Variants in NRG3 observed in about 807,000 individuals in gnomAD.
NRG3 encodes the protein neuregulin 3.
Under a neutral mutation model 66.9 loss-of-function variants are expected in NRG3, and 31 were observed. That is an observed-to-expected ratio of 0.46 (90% CI 0.35 to 0.63). The LOEUF is 0.63. Among genes scored for constraint, NRG3 ranks in the 20% least tolerant of loss-of-function variants. NRG3 has a pLI of 0.00. For missense variants in NRG3, 910 were observed against 878.9 expected, an observed-to-expected ratio of 1.04 and a Z score of -0.45; for synonymous variants, 393 against 359.4, an observed-to-expected ratio of 1.09 and a Z score of -1.06.
Position 82,218,062 on chromosome 10 carries a change from AT to A in NRG3, c.824-140671del, listed in dbSNP as rs553339163. Among the ~76,000 whole-genome samples, 3 of 152,288 alleles carry A rather than the reference AT, an allele frequency of 2.0e-5. No individual in the cohort carries two copies. The East Asian group carries it at 5.8e-4, about 29-fold the overall frequency. ...AATCTCAAATACCCAAAGAAAATAC[AT>A]TTTTTGAAATATTGATGAACTAAAA... On this transcript the variant is annotated intron_variant, in intron 1 of 8. Coordinates refer to ENST00000372141, the MANE Select transcript of NRG3 (RefSeq NM_001010848.4).
At chr10:82,436,416 G>T (rs902678709) in intron 2 of NRG3, among the ~76,000 whole-genome samples, 2 of 152,070 alleles carry the variant, frequency 1.3e-5, no homozygotes, top group East Asian at 3.9e-4. Flanking sequence ...TTTATTTTGA[G>T]CCTGTGTGTG....
chr10:82,303,318 T>C (rs1437385367), intron 1 of NRG3, among the ~76,000 whole-genome samples: 1 of 148,892 alleles, frequency 6.7e-6, no homozygotes, highest in Non-Finnish European at 1.5e-5. Flanking sequence ...TTCATTTACA[T>C]ACTACTGTGC....
chr10:82,982,456 G>C (rs917203084), intron 8 of NRG3, among the ~76,000 whole-genome samples: 9 of 152,118 alleles, frequency 5.9e-5, no homozygotes, highest in African/African-American at 1.9e-4. Context: ...TGGCCCTCAA[G>C]AGATACAGAA....
intron 1 of NRG3, among the ~76,000 whole-genome samples, chr10:82,347,137 T>C (rs2083082340): frequency 6.7e-6 from 1 of 149,066 alleles, no homozygotes; most frequent in Admixed American, 6.7e-5. Context: ...CTTGCTTTTC[T>C]AGTTCTTTTA....
intron 1 of NRG3, among the ~76,000 whole-genome samples, chr10:81,984,060 AC>A: frequency 6.6e-6 from 1 of 152,130 alleles, no homozygotes; most frequent in Admixed American, 6.6e-5. Flanking sequence ...AAGGTGGAGG[AC>A]CCCAAGCTAA....
At chr10:82,302,988 C>A (rs2080493160) in intron 1 of NRG3, among the ~76,000 whole-genome samples, 1 of 152,132 alleles carries the variant, frequency 6.6e-6, no homozygotes, top group Non-Finnish European at 1.5e-5. Context: ...GTATCAACCA[C>A]AATTTTATCT....
chr10:82,853,468 T>C (rs2063661462), intron 3 of NRG3, among the ~76,000 whole-genome samples: 1 of 152,224 alleles, frequency 6.6e-6, no homozygotes, highest in South Asian at 2.1e-4. Flanking sequence ...ATGATTTCTT[T>C]CAGCAGTGTT....
intron 4 of NRG3, among the ~76,000 whole-genome samples, chr10:82,925,220 T>G (rs142612482): frequency 6.6e-6 from 1 of 152,170 alleles, no homozygotes; most frequent in Non-Finnish European, 1.5e-5. Flanking sequence ...TCCAACACTA[T>G]TGGTTTGATT....
intron 1 of NRG3, among the ~76,000 whole-genome samples, chr10:82,061,043 G>C (rs73318369): frequency 0.037 from 5,670 of 152,226 alleles, 358 homozygotes; most frequent in African/African-American, 0.13. Context: ...GTATTGTTTT[G>C]GTTTGGTTTC....
intron 2 of NRG3, among the ~76,000 whole-genome samples, chr10:82,730,306 G>A (rs929049748): frequency 6.6e-6 from 1 of 151,708 alleles, no homozygotes; most frequent in South Asian, 2.1e-4. Context: ...GGATGGTCTC[G>A]ATCTCCTGAC....
chr10:82,533,930 A>G (rs544206840), intron 2 of NRG3, among the ~76,000 whole-genome samples: 8 of 152,196 alleles, frequency 5.3e-5, no homozygotes, highest in East Asian at 1.9e-4. Context: ...ATAAAAAACC[A>G]TATCCAAAAA....
chr10:82,729,778 A>G (rs917862661), intron 2 of NRG3, among the ~76,000 whole-genome samples: 1 of 152,222 alleles, frequency 6.6e-6, no homozygotes, highest in African/African-American at 2.4e-5. Context: ...AAAGTGACCA[A>G]TGAAGTGTAC....
chr10:82,683,686 A>G (rs1431656368), intron 2 of NRG3, among the ~76,000 whole-genome samples: 1 of 152,190 alleles, frequency 6.6e-6, no homozygotes, highest in Non-Finnish European at 1.5e-5. Context: ...GATAAAAGAC[A>G]CTACATTAGT....
chr10:82,932,702 G>C (rs75893709), intron 4 of NRG3, among the ~76,000 whole-genome samples: 1,688 of 152,264 alleles, frequency 0.011, 34 homozygotes, highest in African/African-American at 0.039. Context: ...GCCCTGCATG[G>C]CTTTTTACAC....
chr10:82,728,707 A>G (rs1249836660), intron 2 of NRG3, among the ~76,000 whole-genome samples: 4 of 152,318 alleles, frequency 2.6e-5, no homozygotes, highest in East Asian at 1.9e-4. Flanking sequence ...GAATCTCCCA[A>G]TGGTTGTCCC....
intron 1 of NRG3, among the ~76,000 whole-genome samples, chr10:82,231,146 C>T (rs2076435598): frequency 6.6e-6 from 1 of 152,106 alleles, no homozygotes; most frequent in Admixed American, 6.5e-5. Context: ...AGTTCGAGAC[C>T]AGCCTGGCCA....
intron 1 of NRG3, among the ~76,000 whole-genome samples, chr10:81,992,155 G>C (rs993336028): frequency 5.9e-5 from 9 of 151,902 alleles, no homozygotes; most frequent in African/African-American, 2.2e-4. Flanking sequence ...AATTGAAACT[G>C]TGAACAATGT....
At chr10:82,234,868 G>T (rs2133932775) in intron 1 of NRG3, among the ~76,000 whole-genome samples, 1 of 152,312 alleles carries the variant, frequency 6.6e-6, no homozygotes, top group Admixed American at 6.5e-5. Context: ...TATGCAGCGG[G>T]TCTCCACTGA....
chr10:82,875,454 C>T (rs547559190), intron 4 of NRG3, among the ~76,000 whole-genome samples: 1 of 152,108 alleles, frequency 6.6e-6, no homozygotes, highest in African/African-American at 2.4e-5. Context: ...ACCTCCCAGG[C>T]TCAAGTCTTC....
Sources: allele counts gnomAD v4.1 joint callset (sites outside exome capture counted in the v4.1 genomes callset), GRCh38; gene constraint gnomAD v4.1.1; transcripts MANE v1.5; gene names NCBI Gene and HGNC (gene_info 2026-07-23, HGNC 2026-07-21).